Variants in MPDZ observed in about 807,000 individuals in gnomAD.
MPDZ encodes the protein multiple PDZ domain protein.
In MPDZ, 234 loss-of-function variants were observed where a neutral mutation model predicts 239.1. That is an observed-to-expected ratio of 0.98 (90% CI 0.88 to 1.09). The LOEUF (loss-of-function observed/expected upper bound fraction) is 1.09. MPDZ is among the 50% of genes least tolerant of loss of function. MPDZ has a pLI of 0.00. For synonymous variants in MPDZ, 1,048 were observed against 881.3 expected, an observed-to-expected ratio of 1.19 and a Z score of -3.35; for missense variants, 3,175 against 2,510.0, an observed-to-expected ratio of 1.26 and a Z score of -5.66.
chr9:13,109,937 C>T lies in MPDZ; in HGVS notation c.5942+15G>A, dbSNP rs752695050. 8 of 1,587,714 alleles carry T rather than the reference C, an allele frequency of 5.0e-6. No individual in the cohort carries two copies. The highest frequency in any genetic ancestry group is 6.9e-6 in the Non-Finnish European group (8 of 1,159,148). ...AAGTGAAAAATGATACACTAATCAT[C>T]ATGTATGAACTCACCCTAAATCATC... On this transcript the variant is annotated intron_variant, in intron 45 of 46. Coordinates refer to ENST00000319217, the MANE Select transcript of MPDZ (RefSeq NM_001378778.1).
At chr9:13,190,470 AGTT>A (rs1184185032) in intron 15 of MPDZ, among the ~76,000 whole-genome samples, 171 bp from the exon 16 acceptor site, 1 of 152,178 alleles carries the variant, frequency 6.6e-6, no homozygotes, top group African/African-American at 2.4e-5. Context: ...AATTACTGAA[AGTT>A]GTTAAGAAGG....
Position 13,176,258 on chromosome 9 carries a change from C to T in MPDZ, c.2809G>A (p.Ala937Thr), listed in dbSNP as rs1016879805. 6.2e-7 allele frequency: 1 copy of T among 1,608,720 alleles called. No individual in the cohort carries two copies. Among genetic ancestry groups the T allele is most frequent in the Non-Finnish European group, 8.5e-7 (1 of 1,177,138 alleles). Residue 937 changes from alanine to threonine, a missense_variant, in exon 20 of 47, where the codon GCA becomes ACA. Coordinates refer to ENST00000319217, the MANE Select transcript of MPDZ (RefSeq NM_001378778.1). ...SGFTINDYTP[A>T]NAIEQQYECE... is the part of the protein sequence containing the mutation. ...TCATATTGTTGTTCAATAGCATTTGCAGGTGTGTAGTCATTTATAGTAAAG... is the reference window on the plus strand; with the variant it reads ...TCATATTGTTGTTCAATAGCATTTGTAGGTGTGTAGTCATTTATAGTAAAG...
chr9:13,252,218 A>C (rs1471398354), intron 1 of MPDZ, among the ~76,000 whole-genome samples: 1 of 152,174 alleles, frequency 6.6e-6, no homozygotes, highest in Non-Finnish European at 1.5e-5. Flanking sequence ...ACTCCTTCAC[A>C]AAACAGCCTA....
intron 1 of MPDZ, among the ~76,000 whole-genome samples, chr9:13,278,204 T>C (rs1433314973): frequency 6.6e-6 from 1 of 152,168 alleles, no homozygotes; most frequent in African/African-American, 2.4e-5. Flanking sequence ...TGGAGAAGTT[T>C]TCCTTCTACG....
chr9:13,193,971 C>T (rs1056223525), intron 13 of MPDZ, among the ~76,000 whole-genome samples: 1 of 152,002 alleles, frequency 6.6e-6, no homozygotes, highest in Non-Finnish European at 1.5e-5. Context: ...TTAATGATAA[C>T]GTGCAGAAGT....
intron 19 of MPDZ, among the ~76,000 whole-genome samples, chr9:13,178,006 G>A (rs1477885624): frequency 6.6e-6 from 1 of 151,996 alleles, no homozygotes; most frequent in Non-Finnish European, 1.5e-5. Context: ...GTAGAGACGG[G>A]GTCTCATCGT....
intron 10 of MPDZ, among the ~76,000 whole-genome samples, chr9:13,211,393 G>C (rs1452378462): frequency 6.6e-6 from 1 of 152,008 alleles, no homozygotes; most frequent in East Asian, 1.9e-4. Context: ...AATATAAGAA[G>C]TCAACACAAG....
intron 10 of MPDZ, among the ~76,000 whole-genome samples, chr9:13,214,672 G>C (rs2136033826): frequency 6.6e-6 from 1 of 152,128 alleles, no homozygotes; most frequent in South Asian, 2.1e-4. Flanking sequence ...CTTTCAATTT[G>C]TAATTCAGCA....
At chr9:13,166,396 AT>A (rs921493326) in intron 22 of MPDZ, among the ~76,000 whole-genome samples, 4 of 151,292 alleles carry the variant, frequency 2.6e-5, no homozygotes, top group Non-Finnish European at 4.4e-5. Flanking sequence ...AATCTAACAT[AT>A]TTTTTTTTCT....
At position 13,224,506 on chromosome 9, in the gene MPDZ, A is replaced by C. The variant is rs1383912957; in HGVS notation, c.261T>G (p.Thr87=). Residue 87 remains threonine, a synonymous_variant, in exon 4 of 47, where the codon ACT becomes ACG. Transcript: ENST00000319217. The part of the protein sequence containing the change: ...VPHLSPAVIP[T]LQNESFLLSP... ...ATAATAAAAACGATTCATTTTGCAG[A>C]GTAGGAATCACAGCTGGGCTGAGAT... 6.2e-7 allele frequency: 1 copy of C among 1,612,874 alleles called. No homozygotes were observed. The highest frequency in any genetic ancestry group is 1.1e-5 in the South Asian group (1 of 91,054).
chr9:13,205,797 G>A (rs1444255432), intron 11 of MPDZ, 119 bp downstream of exon 11: 8 of 898,082 alleles, frequency 8.9e-6, no homozygotes, highest in Non-Finnish European at 1.3e-5. Flanking sequence ...GAATAGTTGA[G>A]GGTAAAAAGC....
intron 1 of MPDZ, among the ~76,000 whole-genome samples, chr9:13,263,914 T>C (rs987800497): frequency 1.3e-5 from 2 of 152,188 alleles, no homozygotes; most frequent in African/African-American, 4.8e-5. Flanking sequence ...ATATATAAGC[T>C]AATACTAAAT....
rs1943208690 is a variant in MPDZ at position 13,115,250 on chromosome 9, G to A, written c.5464C>T (p.Gln1822Ter). 1 of 1,611,778 alleles carries A rather than the reference G, an allele frequency of 6.2e-7. No homozygotes were observed. The highest frequency in any genetic ancestry group is 1.7e-5 in the Admixed American group (1 of 59,952). Residue 1822 changes from glutamine to a stop codon, truncating the protein, a stop_gained and splice_region_variant, in exon 40 of 47, where the codon CAG becomes TAG. Coordinates refer to ENST00000319217, the MANE Select transcript of MPDZ (RefSeq NM_001378778.1). LOFTEE classifies it high-confidence loss of function. The part of the protein sequence containing the change: ...HSERRPSQSS[Q>*]VSEGSLSSFT... Reference sequence around the variant, plus strand: ...TGATGAACTCCACAGCTACCCACCTGGCTGCTTTGAGATGGCCTCCTCTCT... The same window carrying A: ...TGATGAACTCCACAGCTACCCACCTAGCTGCTTTGAGATGGCCTCCTCTCT...
intron 44 of MPDZ, 76 bp from the exon 45 acceptor site, chr9:13,110,140 G>C: frequency 1.1e-6 from 1 of 932,184 alleles, no homozygotes; most frequent in Non-Finnish European, 1.6e-6. Flanking sequence ...TTCAGAAAGA[G>C]CACTTGGATT....
chr9:13,253,505 C>A (rs1968646846), intron 1 of MPDZ, among the ~76,000 whole-genome samples: 1 of 152,158 alleles, frequency 6.6e-6, no homozygotes, highest in African/African-American at 2.4e-5. Flanking sequence ...TAGATAGAGT[C>A]CATTCCCTTC....
At chr9:13,199,882 T>C (rs929574427) in intron 12 of MPDZ, among the ~76,000 whole-genome samples, 3 of 152,106 alleles carry the variant, frequency 2.0e-5, no homozygotes, top group Admixed American at 6.6e-5. Flanking sequence ...TTGAGGATTT[T>C]TGCAACTACG....
At chr9:13,182,859 T>C (rs1486197776) in intron 19 of MPDZ, among the ~76,000 whole-genome samples, 1 of 152,178 alleles carries the variant, frequency 6.6e-6, no homozygotes, top group South Asian at 2.1e-4. Context: ...GGCACAGATA[T>C]GTCAAATAGT....
intron 10 of MPDZ, among the ~76,000 whole-genome samples, chr9:13,208,510 T>G (rs997461534): frequency 1.3e-5 from 2 of 151,630 alleles, no homozygotes; most frequent in African/African-American, 4.8e-5. Context: ...GGAGTACCCT[T>G]ACTGCAAAGG....
intron 39 of MPDZ, among the ~76,000 whole-genome samples, chr9:13,118,983 C>G (rs964164696): frequency 6.6e-6 from 1 of 152,158 alleles, no homozygotes; most frequent in African/African-American, 2.4e-5. Context: ...GATGACAGAT[C>G]TGCTTCTGAT....
Sources: allele counts gnomAD v4.1 joint callset (sites outside exome capture counted in the v4.1 genomes callset), GRCh38; gene constraint gnomAD v4.1.1; transcripts MANE v1.5; gene names NCBI Gene and HGNC (gene_info 2026-07-23, HGNC 2026-07-21).